The following AADAT variants were observed in gnomAD, a reference collection of about 807,000 sequenced individuals.
The protein encoded by AADAT is aminoadipate aminotransferase.
In AADAT, 25 loss-of-function variants were observed where a neutral mutation model predicts 56.2. The ratio of observed to expected loss-of-function variants is 0.44; its 90% CI spans 0.32 to 0.62. AADAT has a LOEUF of 0.62. Among genes scored for constraint, AADAT ranks in the 20% least tolerant of loss-of-function variants. The probability of loss-of-function intolerance (pLI) is 0.04; values close to 1 mark genes in which losing one functional copy is unlikely to be tolerated. For missense variants in AADAT, 387 were observed against 510.5 expected (o/e 0.76, Z 2.33); for synonymous variants, 173 against 164.7 (o/e 1.05, Z -0.39).
chr4:170,068,765 C>A, intron 7 of AADAT, 78 bp from the exon 8 acceptor site: 1 of 936,836 alleles, frequency 1.1e-6, no homozygotes, highest in South Asian at 1.7e-5. Flanking sequence ...TTTCATTAGA[C>A]AGACAATTGT....
At chr4:170,078,094 G>T (rs1442278659) in intron 4 of AADAT, among the ~76,000 whole-genome samples, 1 of 152,148 alleles carries the variant, frequency 6.6e-6, no homozygotes, top group Non-Finnish European at 1.5e-5. Context: ...CCTTGGAATG[G>T]AAAGTCGTCA....
intron 12 of AADAT, among the ~76,000 whole-genome samples, 153 bp from the exon 13 acceptor site, chr4:170,061,122 G>C (rs925758814): frequency 6.6e-6 from 1 of 152,148 alleles, no homozygotes; most frequent in Admixed American, 6.5e-5. Context: ...ATCTGTGCAG[G>C]ATGCCATCAA....
At chr4:170,064,614 T>A in intron 11 of AADAT, 105 bp downstream of exon 11, 1 of 834,436 alleles carries the variant, frequency 1.2e-6, no homozygotes, top group South Asian at 1.7e-5. Flanking sequence ...ATGAGTTGGC[T>A]GGTGGGCAAC....
chr4:170,072,429 C>T (rs558449421), intron 5 of AADAT, among the ~76,000 whole-genome samples: 85 of 152,142 alleles, frequency 5.6e-4, no homozygotes, highest in African/African-American at 1.7e-3. Context: ...GCCACTGCAC[C>T]CAACCTGAGG....
chr4:170,088,598 A>G, intron 1 of AADAT, 34 bp from the exon 2 acceptor site: 1 of 1,582,360 alleles, frequency 6.3e-7, no homozygotes, highest in South Asian at 1.1e-5. Flanking sequence ...AAACAATTTC[A>G]TTGAAGATTG....
intron 1 of AADAT, among the ~76,000 whole-genome samples, chr4:170,088,969 T>C (rs1732701585): frequency 6.6e-6 from 1 of 152,228 alleles, no homozygotes; most frequent in African/African-American, 2.4e-5. Context: ...ACTTTGATCT[T>C]AGACTTCCTA....
chr4:170,085,914 TAAGATA>T lies in AADAT; in HGVS notation c.369+1196_369+1201del, dbSNP rs147247760. ...CATGAAAAAGAAAACTACTCTGGTT[TAAGATA>T]AAGATAAATGGGAGTCATAGATTAA... On this transcript the variant is annotated intron_variant, in intron 3 of 12. Transcript: ENST00000337664. 8.6e-3 allele frequency among the ~76,000 whole-genome samples: 1,310 copies of T among 152,260 alleles called. 19 individuals carry two copies. Among genetic ancestry groups the T allele is most frequent in the African/African-American group, 0.029 (1,201 of 41,562 alleles).
chr4:170,067,285 C>T (rs1028654126), intron 9 of AADAT, 42 bp downstream of exon 9: 5 of 1,455,430 alleles, frequency 3.4e-6, no homozygotes, highest in Non-Finnish European at 4.8e-6. Context: ...GTTCACTGGG[C>T]TCCTGTTTTG....
At position 170,060,978 on chromosome 4, in the gene AADAT, GAA is replaced by G; in HGVS notation, c.1237-11_1237-10del. 1.4e-6 allele frequency: 2 copies of G among 1,381,260 alleles called. No homozygotes were observed. Among genetic ancestry groups the G allele is most frequent in the Admixed American group, 2.6e-5 (1 of 38,254 alleles). 85.6% of individuals were successfully genotyped at this position (1,381,260 alleles called of 1,614,324 possible). A position where few individuals can be genotyped will look rare whatever the true frequency, so the allele number is the denominator to read the frequency against. ...GCTAATACCTGGAAGGCCTAAAACA[GAA>G]AAAAAAAATTAGAATTAATTAAATT... On this transcript the variant is annotated splice_polypyrimidine_tract_variant and intron_variant, in intron 12 of 12. Coordinates refer to ENST00000337664, the MANE Select transcript of AADAT (RefSeq NM_016228.4).
rs747704435 is a variant in AADAT at position 170,060,908 on chromosome 4, C to T, written c.*20G>A. ...GGGATTATAGGTGTGAGCCACCATGCCCAACCTAGTTTAATTTCTTCATAA... is the reference window on the plus strand; with the variant it reads ...GGGATTATAGGTGTGAGCCACCATGTCCAACCTAGTTTAATTTCTTCATAA... On this transcript the variant is annotated 3_prime_UTR_variant, in exon 13 of 13. Transcript: ENST00000337664. The T allele has an allele frequency of 2.3e-5, 36 of 1,539,998 alleles. No individual in the cohort carries two copies. Among genetic ancestry groups the T allele is most frequent in the Non-Finnish European group, 3.1e-5 (35 of 1,143,240 alleles).
At chr4:170,092,442 G>A (rs981671418), upstream of AADAT, among the ~76,000 whole-genome samples, 5 of 152,294 alleles carry the variant, frequency 3.3e-5, no homozygotes, top group East Asian at 3.9e-4. Context: ...CCACCAGAAG[G>A]AAGAAACTCC....
At chr4:170,063,953 AAG>A (rs1465359815) in intron 11 of AADAT, among the ~76,000 whole-genome samples, 1 of 150,672 alleles carries the variant, frequency 6.6e-6, no homozygotes, top group East Asian at 2.0e-4. Flanking sequence ...TAAATATAAA[AAG>A]AGGAAAAAAA....
At chr4:170,062,458 A>C (rs574789621) in intron 11 of AADAT, among the ~76,000 whole-genome samples, 1 of 152,352 alleles carries the variant, frequency 6.6e-6, no homozygotes, top group Admixed American at 6.5e-5. Flanking sequence ...AAAGATACAC[A>C]GAGTAAAGGC....
At chr4:170,085,894 A>G (rs1186782133) in intron 3 of AADAT, among the ~76,000 whole-genome samples, 2 of 152,184 alleles carry the variant, frequency 1.3e-5, no homozygotes, top group Non-Finnish European at 2.9e-5. Context: ...ATTTCCATGA[A>G]AAAGAAAACT....
upstream of AADAT, among the ~76,000 whole-genome samples, chr4:170,090,909 C>T (rs1049605594): frequency 6.6e-6 from 1 of 152,226 alleles, no homozygotes; most frequent in Non-Finnish European, 1.5e-5. Context: ...ATTATTGACT[C>T]ACTGCCAAAT....
In AADAT at chr4:170,077,975, G is replaced by A. The variant is rs367593783; in HGVS notation, c.444+534C>T. Among the ~76,000 whole-genome samples, 46 of 152,094 alleles carry A rather than the reference G, an allele frequency of 3.0e-4. 1 individual carries two copies. The highest frequency in any genetic ancestry group is 2.9e-3 in the East Asian group (15 of 5,182). Reference sequence around the variant, plus strand: ...CAGTTGTGGACATTTCTGTCTTAAAGTAGACTGCCCCAAACAAACCTAATG... The same window carrying A: ...CAGTTGTGGACATTTCTGTCTTAAAATAGACTGCCCCAAACAAACCTAATG... On this transcript the variant is annotated intron_variant, in intron 4 of 12. Coordinates refer to ENST00000337664, the MANE Select transcript of AADAT (RefSeq NM_016228.4).
In AADAT at chr4:170,073,206, T is replaced by C. The variant is rs1257675827; in HGVS notation, c.584A>G (p.Tyr195Cys). The part of the protein sequence containing the change: ...NPQKNTPKFL[Y>C]TVPNGNNPTG... ...AGGGTTGTTGCCATTTGGAACAGTA[T>C]AAAGAAATTTGGGGGTGTTTTTCTG... Residue 195 changes from tyrosine (Y) to cysteine (C), a missense_variant, in exon 5 of 13, where the codon TAT (tyrosine) becomes TGT (cysteine). Physicochemically the swap from Tyr to Cys is radical, Grantham distance 194. Coordinates refer to ENST00000337664, the MANE Select transcript of AADAT (RefSeq NM_016228.4). The C allele has an allele frequency of 1.2e-5, 20 of 1,614,036 alleles. No homozygotes were observed. The highest frequency in any genetic ancestry group is 1.7e-5 in the Non-Finnish European group (20 of 1,180,030).
Position 170,067,316 on chromosome 4 carries a change from TG to T in AADAT, c.962+10del, listed in dbSNP as rs763426784. On this transcript the variant is annotated intron_variant, in intron 9 of 12. Coordinates refer to ENST00000337664, the MANE Select transcript of AADAT (RefSeq NM_016228.4). ...TTTTGTTCATAAATATTTAAAGAAA[TG>T]ATACAATACCTGTCTACATGAGCCA... 1 of 1,605,756 alleles carries T rather than the reference TG, an allele frequency of 6.2e-7. No homozygotes were observed. Among genetic ancestry groups the T allele is most frequent in the Non-Finnish European group, 8.5e-7 (1 of 1,173,940 alleles).
In AADAT at chr4:170,062,363, G is replaced by A. The variant is rs1731233582; in HGVS notation, c.1135-370C>T. Among the ~76,000 whole-genome samples the A allele has an allele frequency of 3.3e-5, 5 of 152,078 alleles. 1 individual carries two copies. The highest frequency in any genetic ancestry group is 3.3e-4 in the Admixed American group (5 of 15,264). ...ATCTAACTAGAAAAGTAATTTTTAA[G>A]TTAATAAGTCTGAAAGTTACTTTTA... On this transcript the variant is annotated intron_variant, in intron 11 of 12. Transcript: ENST00000337664.
Sources: allele counts gnomAD v4.1 joint callset (sites outside exome capture counted in the v4.1 genomes callset), GRCh38; gene constraint gnomAD v4.1.1; transcripts MANE v1.5; gene names NCBI Gene and HGNC (gene_info 2026-07-23, HGNC 2026-07-21).